The following RUFY1 variants were observed in gnomAD, a reference collection of about 807,000 sequenced individuals.
The protein encoded by RUFY1 is RUN and FYVE domain-containing protein 1.
A neutral mutation model predicts 94.6 loss-of-function variants in RUFY1; 54 were observed. The ratio of observed to expected loss-of-function variants is 0.57; its 90% CI spans 0.46 to 0.72. The LOEUF (loss-of-function observed/expected upper bound fraction) is 0.72. RUFY1 is among the 30% of genes least tolerant of loss of function. The pLI, the probability that RUFY1 is intolerant of heterozygous loss-of-function variation, is 0.00. For missense variants in RUFY1, 883 were observed against 883.9 expected, an observed-to-expected ratio of 1.00 and a Z score of 0.01; for synonymous variants, 396 against 347.3, an observed-to-expected ratio of 1.14 and a Z score of -1.56.
At chr5:179,579,661 T>TTCTTTTC (rs1763952328) in intron 6 of RUFY1, among the ~76,000 whole-genome samples, 2 of 83,246 alleles carry the variant, frequency 2.4e-5, no homozygotes, top group African/African-American at 5.3e-5. Context: ...CTTCTTCTTT[T>TTCTTTTC]TTTTTTTTTT....
intron 5 of RUFY1, among the ~76,000 whole-genome samples, chr5:179,570,938 A>G (rs1255386831): frequency 6.6e-6 from 1 of 152,198 alleles, no homozygotes; most frequent in Non-Finnish European, 1.5e-5. Flanking sequence ...CTTCTAGCAG[A>G]TGAATAAAGG....
chr5:179,558,228 A>G (rs1762203332), intron 1 of RUFY1, among the ~76,000 whole-genome samples: 1 of 152,166 alleles, frequency 6.6e-6, no homozygotes, highest in African/African-American at 2.4e-5. Flanking sequence ...ATCATCCATT[A>G]CAGTTTTAAA....
chr5:179,550,662 G>T lies in RUFY1; in HGVS notation c.93G>T (p.Glu31Asp). 1 of 1,484,004 alleles carries T rather than the reference G, an allele frequency of 6.7e-7. No homozygotes were observed. The highest frequency in any genetic ancestry group is 8.9e-7 in the Non-Finnish European group (1 of 1,123,290). The allele number at this position is 1,484,004 out of a possible 1,614,324, so 91.9% of individuals were successfully genotyped here. A position where few individuals can be genotyped will look rare whatever the true frequency, so the allele number is the denominator to read the frequency against. Residue 31 changes from glutamate to aspartate, a missense_variant, in exon 1 of 18, where the codon GAG (glutamate) becomes GAT (aspartate). Physicochemically the swap from Glu to Asp is conservative, Grantham distance 45. Coordinates refer to ENST00000319449, the MANE Select transcript of RUFY1 (RefSeq NM_025158.5). The part of the protein sequence containing the change: ...EPGPGPGSAL[E>D]PGEEFEIVDR... ...GGCCGGGGCCCGGGTCAGCGCTTGAGCCGGGAGAAGAGTTTGAGATCGTGG... is the reference window on the plus strand; with the variant it reads ...GGCCGGGGCCCGGGTCAGCGCTTGATCCGGGAGAAGAGTTTGAGATCGTGG...
Position 179,562,556 on chromosome 5 carries a change from G to A in RUFY1, c.494G>A (p.Ser165Asn). The A allele has an allele frequency of 1.2e-6, 2 of 1,604,300 alleles. No homozygotes were observed. Among genetic ancestry groups the A allele is most frequent in the South Asian group, 2.2e-5 (2 of 90,478 alleles). ...TTGTTTTTCCTTTTAGTTAAGAAGA[G>A]TTTTATTGGCCAAAATAAATCATTC... ...CLKHGLKVKK[S>N]FIGQNKSFFG... The change falls in exon 3 of 18, where the codon AGT (serine) becomes AAT (asparagine). Residue 165 changes from serine (S) to asparagine (N), a missense_variant. Ser to Asn is a conservative substitution (Grantham distance 46). Transcript: ENST00000319449.
chr5:179,581,164 T>C, intron 7 of RUFY1, 152 bp downstream of exon 7: 1 of 604,208 alleles, frequency 1.7e-6, no homozygotes, highest in South Asian at 2.1e-5. Flanking sequence ...TTGTACAAAC[T>C]GAAGAAGTAT....
chr5:179,584,180 G>A (rs1302643063), intron 7 of RUFY1, among the ~76,000 whole-genome samples: 1 of 151,396 alleles, frequency 6.6e-6, no homozygotes, highest in Non-Finnish European at 1.5e-5. Context: ...TTTTCATTTT[G>A]TGTCTTTGTA....
Position 179,569,273 on chromosome 5 carries a change from C to G in RUFY1, c.705-29C>G, listed in dbSNP as rs747167605. The G allele has an allele frequency of 3.1e-6, 5 of 1,613,624 alleles. No homozygotes were observed. In the South Asian group the frequency reaches 5.5e-5, roughly 18 times the overall value. On this transcript the variant is annotated intron_variant, in intron 4 of 17. Transcript: ENST00000319449. ...TGGGGATGGTGAAGCTGTTTCTGAG[C>G]ATCGCCCTGTCCTGTCCATCTCTTT...
intron 15 of RUFY1, chr5:179,602,225 A>G (rs1766507424): frequency 1.5e-5 from 8 of 523,758 alleles, no homozygotes; most frequent in Admixed American, 3.2e-5. Flanking sequence ...GTTCATTCCT[A>G]GTGACCAGGA....
chr5:179,604,210 C>T (rs958273963), intron 15 of RUFY1, among the ~76,000 whole-genome samples: 2 of 152,224 alleles, frequency 1.3e-5, no homozygotes, highest in Non-Finnish European at 2.9e-5. Context: ...CAAACCCAGA[C>T]AGGACTACCT....
chr5:179,585,587 AAAAG>A (rs1368474666), intron 7 of RUFY1, among the ~76,000 whole-genome samples: 6 of 152,172 alleles, frequency 3.9e-5, no homozygotes, highest in East Asian at 1.9e-4. Flanking sequence ...TCAAAATAAA[AAAAG>A]AAAGATTAAA....
At chr5:179,558,619 A>C (rs1162430889) in intron 1 of RUFY1, among the ~76,000 whole-genome samples, 1 of 151,834 alleles carries the variant, frequency 6.6e-6, no homozygotes, top group Non-Finnish European at 1.5e-5. Context: ...GCTTTACTTA[A>C]GCCACTTTTA....
chr5:179,581,792 C>T (rs1764187135), intron 7 of RUFY1, among the ~76,000 whole-genome samples: 1 of 151,178 alleles, frequency 6.6e-6, no homozygotes, highest in Non-Finnish European at 1.5e-5. Context: ...GCAATTGATT[C>T]TCCCACCTCA....
chr5:179,585,343 G>A (rs1436761688), intron 7 of RUFY1, among the ~76,000 whole-genome samples: 71 of 152,318 alleles, frequency 4.7e-4, no homozygotes, highest in Non-Finnish European at 5.9e-5. Context: ...TGGAAGGCCA[G>A]GGTGGGCAGC....
chr5:179,553,764 T>C (rs1021701826), intron 1 of RUFY1, among the ~76,000 whole-genome samples: 1 of 152,174 alleles, frequency 6.6e-6, no homozygotes, highest in Non-Finnish European at 1.5e-5. Flanking sequence ...CAGTCCAGCC[T>C]GGGCAACAGA....
chr5:179,593,080 T>G (rs779598099), intron 10 of RUFY1, among the ~76,000 whole-genome samples: 32 of 152,108 alleles, frequency 2.1e-4, no homozygotes, highest in Admixed American at 1.8e-3. Context: ...GTTTGTTTTG[T>G]TTTGGTTTGT....
At chr5:179,589,676 A>C in intron 9 of RUFY1, 29 bp downstream of exon 9, 1 of 1,489,720 alleles carries the variant, frequency 6.7e-7, no homozygotes, top group South Asian at 1.1e-5. Flanking sequence ...TTTGGGCAGC[A>C]TGTTTCTCAC....
chr5:179,607,024 A>C (rs13179100), intron 16 of RUFY1: 1 of 154,242 alleles, frequency 6.5e-6, no homozygotes, highest in Non-Finnish European at 1.4e-5. Flanking sequence ...AATGGAGTCC[A>C]TGTGCTCCCC....
chr5:179,559,613 T>C, intron 1 of RUFY1: 1 of 965,704 alleles, frequency 1.0e-6, no homozygotes, highest in Non-Finnish European at 1.2e-6. Context: ...TAGGAATGTT[T>C]GGGGGCGGGA....
intron 8 of RUFY1, among the ~76,000 whole-genome samples, chr5:179,587,920 C>T (rs368116150): frequency 6.6e-6 from 1 of 151,840 alleles, no homozygotes; most frequent in African/African-American, 2.4e-5. Flanking sequence ...CCCAGCTACT[C>T]GGGAGGCTGA....
Sources: gnomAD v4.1 joint callset for allele counts (sites outside exome capture counted in the v4.1 genomes callset) on GRCh38, gnomAD v4.1.1 for gene constraint, MANE v1.5 for transcripts, NCBI Gene and HGNC (gene_info 2026-07-23, HGNC 2026-07-21) for gene names.